Variants in PCDHGB6 observed in about 807,000 individuals in gnomAD.
PCDHGB6 encodes the protein protocadherin gamma-B6.
A neutral mutation model predicts 59.1 loss-of-function variants in PCDHGB6; 51 were observed. That is an observed-to-expected ratio of 0.86 (90% CI 0.69 to 1.09). The LOEUF is 1.09. Among genes scored for constraint, PCDHGB6 ranks in the 50% least tolerant of loss-of-function variants. PCDHGB6 has a pLI of 0.00. For synonymous variants in PCDHGB6, 466 were observed against 495.1 expected, an observed-to-expected ratio of 0.94 and a Z score of 0.78; for missense variants, 1,148 against 1,205.1, an observed-to-expected ratio of 0.95 and a Z score of 0.70.
chr5:141,431,513 C>G lies in PCDHGB6; in HGVS notation c.2418+20893C>G. ...TCAGCCCGAGTACCGCGCGAGCGTT[C>G]CGGAGAATCTGGCCTTGGGCACGCA... On this transcript the variant is annotated intron_variant, in intron 1 of 3. Transcript: ENST00000520790. The surrounding 1 kb of genome is among the most constrained non-coding windows in gnomAD (Gnocchi z 4.8). 6.2e-7 allele frequency: 1 copy of G among 1,614,022 alleles called. No homozygotes were observed. Among genetic ancestry groups the G allele is most frequent in the South Asian group, 1.1e-5 (1 of 91,088 alleles).
intron 1 of PCDHGB6, chr5:141,427,261 C>A (rs903526432): frequency 1.5e-5 from 7 of 456,556 alleles, no homozygotes; most frequent in African/African-American, 4.0e-5. Flanking sequence ...GGAGGCATGA[C>A]CAGCGAATGT....
At chr5:141,464,931 G>T (rs2099093694) in intron 1 of PCDHGB6, among the ~76,000 whole-genome samples, 1 of 151,942 alleles carries the variant, frequency 6.6e-6, no homozygotes, top group Non-Finnish European at 1.5e-5. Context: ...GTAGAGATGT[G>T]AGGTCTCACT....
At chr5:141,437,878 C>A (rs1047761465) in intron 1 of PCDHGB6, among the ~76,000 whole-genome samples, 13 of 151,996 alleles carry the variant, frequency 8.6e-5, no homozygotes, top group Non-Finnish European at 1.5e-4. Flanking sequence ...GCTGGGACTA[C>A]AGGCACACGC....
intron 2 of PCDHGB6, among the ~76,000 whole-genome samples, chr5:141,498,260 A>C (rs1044675509): frequency 6.6e-6 from 1 of 152,140 alleles, no homozygotes; most frequent in Non-Finnish European, 1.5e-5. Flanking sequence ...GCTGGTGTTG[A>C]GTTCTTCAGT....
At chr5:141,471,802 A>G (rs2154571076) in intron 1 of PCDHGB6, among the ~76,000 whole-genome samples, 1 of 152,362 alleles carries the variant, frequency 6.6e-6, no homozygotes, top group African/African-American at 2.4e-5. Context: ...TATAAAAGAC[A>G]TATAAAAGAC....
In PCDHGB6 at chr5:141,489,291, C is replaced by A; in HGVS notation, c.2419-5516C>A. ...TCGCTGGGAAATGGCAAGTGCTGTG[C>A]ATGTTGTCCTTGTGCTGCTGGGGCT... is the stretch of plus-strand genomic sequence containing the variant. On this transcript the variant is annotated intron_variant, in intron 1 of 3. Transcript: ENST00000520790. This position sits in a 1 kb window ranked among gnomAD's most constrained non-coding sequence, Gnocchi z 4.5. 6.3e-7 allele frequency: 1 copy of A among 1,577,628 alleles called. No homozygotes were observed. The highest frequency in any genetic ancestry group is 8.6e-7 in the Non-Finnish European group (1 of 1,161,994).
rs1561863583 is a variant in PCDHGB6, at chr5:141,432,685, C to A, written c.2418+22065C>A. Reference sequence around the variant, plus strand: ...ACAGAGACGCGCTCAAGCAGAGCCTCGTAGTGGCCGTCCAGGACCACGGCC... The same window carrying A: ...ACAGAGACGCGCTCAAGCAGAGCCTAGTAGTGGCCGTCCAGGACCACGGCC... On this transcript the variant is annotated intron_variant, in intron 1 of 3. Transcript: ENST00000520790. The surrounding 1 kb of genome is among the most constrained non-coding windows in gnomAD (Gnocchi z 6.0). 3.7e-6 allele frequency: 6 copies of A among 1,613,932 alleles called. No individual in the cohort carries two copies. Among genetic ancestry groups the A allele is most frequent in the Non-Finnish European group, 5.1e-6 (6 of 1,179,966 alleles).
chr5:141,415,915 TGC>T, intron 1 of PCDHGB6: 1 of 724,854 alleles, frequency 1.4e-6, no homozygotes, highest in Non-Finnish European at 1.9e-6. Flanking sequence ...CATACAGAAG[TGC>T]CTGTCAATTT....
At chr5:141,499,423 GA>G (rs1229901490) in intron 2 of PCDHGB6, among the ~76,000 whole-genome samples, 3 of 151,756 alleles carry the variant, frequency 2.0e-5, no homozygotes, top group Non-Finnish European at 2.9e-5. Flanking sequence ...ATGAAAAATA[GA>G]AAAAAAATTA....
intron 1 of PCDHGB6, chr5:141,421,995 C>G (rs750731453): frequency 6.2e-7 from 1 of 1,608,844 alleles, no homozygotes; most frequent in South Asian, 1.1e-5. Context: ...CAGAAAACAT[C>G]AGCTCCGGAA....
rs377701820 is a variant in PCDHGB6 at position 141,422,031 on chromosome 5, G to A, written c.2418+11411G>A. On this transcript the variant is annotated intron_variant, in intron 1 of 3. Coordinates refer to ENST00000520790, the MANE Select transcript of PCDHGB6 (RefSeq NM_018926.3). ...CTCGGGTGCTGATGGTTAATGCAAC[G>A]GATCCAGACGAGGGAATCAACGGGG... 127 of 1,610,494 alleles carry A rather than the reference G, an allele frequency of 7.9e-5. No individual in the cohort carries two copies. In the East Asian group the frequency reaches 2.4e-3, roughly 31 times the overall value.
Position 141,419,336 on chromosome 5 carries a change from G to A in PCDHGB6, c.2418+8716G>A, listed in dbSNP as rs762064534. 6.8e-6 allele frequency: 11 copies of A among 1,613,772 alleles called. No individual in the cohort carries two copies. In the African/African-American group the frequency reaches 1.3e-4, roughly 20 times the overall value. ...CGGCCGTGTCTCCTACTCTCTCATT[G>A]CCAGCGACCTGGAGTCACGAACGCT... On this transcript the variant is annotated intron_variant, in intron 1 of 3. Coordinates refer to ENST00000520790, the MANE Select transcript of PCDHGB6 (RefSeq NM_018926.3).
In PCDHGB6 at chr5:141,476,132, T is replaced by C. The variant is rs751708569; in HGVS notation, c.2419-18675T>C. 2 of 1,607,820 alleles carry C rather than the reference T, an allele frequency of 1.2e-6. No homozygotes were observed. The highest frequency in any genetic ancestry group is 1.1e-5 in the South Asian group (1 of 90,582). On this transcript the variant is annotated intron_variant, in intron 1 of 3. Coordinates refer to ENST00000520790, the MANE Select transcript of PCDHGB6 (RefSeq NM_018926.3). The surrounding 1 kb of genome is among the most constrained non-coding windows in gnomAD (Gnocchi z 7.6). ...TTTGAGTGAGATGGTCCCAGAGGCC[T>C]GGAGGAGCGGACTGGTAAGCACCGG...
intron 1 of PCDHGB6, chr5:141,478,367 C>T (rs2099451272): frequency 1.2e-6 from 2 of 1,613,750 alleles, no homozygotes; most frequent in South Asian, 2.2e-5. Context: ...GCGGGGAGGC[C>T]TGATGTCGCC....
In PCDHGB6 at chr5:141,409,445, A is replaced by G; in HGVS notation, c.1243A>G (p.Thr415Ala). The G allele has an allele frequency of 6.2e-7, 1 of 1,613,988 alleles. No homozygotes were observed. The highest frequency in any genetic ancestry group is 8.5e-7 in the Non-Finnish European group (1 of 1,179,892). ...AGATGGAGCCCTGGACCGAGAGCAG[A>G]CACCAGAATACAATGTCACCATCGT... ...VTDGALDREQ[T>A]PEYNVTIVAT... Residue 415 changes from threonine to alanine, a missense_variant, in exon 1 of 4, where the codon ACA becomes GCA. Thr to Ala is a moderately conservative substitution (Grantham distance 58). Around this residue, in one of 5 missense-constraint regions of PCDHGB6, gnomAD observed 549 missense variants for 527.5 expected, o/e 1.04. Transcript: ENST00000520790.
intron 1 of PCDHGB6, among the ~76,000 whole-genome samples, chr5:141,475,629 C>T (rs77593456): frequency 0.054 from 8,157 of 152,234 alleles, 446 homozygotes; most frequent in African/African-American, 0.15. Flanking sequence ...TGGTTCGATC[C>T]CCTTTCTTGT....
At chr5:141,444,329 G>A (rs536314842) in intron 1 of PCDHGB6, among the ~76,000 whole-genome samples, 17 of 151,674 alleles carry the variant, frequency 1.1e-4, no homozygotes, top group Admixed American at 1.1e-3. Flanking sequence ...GTGCCACCAC[G>A]CCCAGCTAAT....
intron 1 of PCDHGB6, chr5:141,417,686 G>A (rs1300052006): frequency 8.4e-6 from 9 of 1,068,196 alleles, no homozygotes; most frequent in South Asian, 1.8e-5. Context: ...CAACAGAAAA[G>A]AAAACCAGCT....
intron 1 of PCDHGB6, among the ~76,000 whole-genome samples, chr5:141,488,600 A>G (rs2099677400): frequency 6.6e-6 from 1 of 152,166 alleles, no homozygotes; most frequent in Admixed American, 6.5e-5. Flanking sequence ...AAGACTTTAC[A>G]AGGTTCTTAC....
Sources: gnomAD v4.1 joint callset for allele counts (sites outside exome capture counted in the v4.1 genomes callset) on GRCh38, gnomAD v4.1.1 for gene constraint, gnomAD v4.1.1 regional missense constraint, Gnocchi (gnomAD v3.1) non-coding constraint, MANE v1.5 for transcripts, NCBI Gene and HGNC (gene_info 2026-07-23, HGNC 2026-07-21) for gene names.